Variants in XKR4 observed in about 807,000 individuals in gnomAD.
The protein encoded by XKR4 is XK-related protein 4.
Under a neutral mutation model 53.9 loss-of-function variants are expected in XKR4, and 12 were observed. The ratio of observed to expected loss-of-function variants is 0.22; its 90% CI spans 0.14 to 0.36. The LOEUF is 0.36. Among genes scored for constraint, XKR4 ranks in the 10% least tolerant of loss-of-function variants. The pLI is 1.00. For synonymous variants in XKR4, 354 were observed against 362.4 expected (o/e 0.98, Z 0.26); for missense variants, 799 against 859.5 (o/e 0.93, Z 0.88).
Position 55,353,255 on chromosome 8 carries a change from A to G in XKR4, c.807-4423A>G, listed in dbSNP as rs913321995. Among the ~76,000 whole-genome samples the G allele has an allele frequency of 5.3e-5, 8 of 152,220 alleles. No homozygotes were observed. The South Asian group carries it at 6.2e-4, about 12-fold the overall frequency. ...GACCTTATTTTGGAAATAGAATAAG[A>G]TCTTTGTCATGATCAAGTGAAGATG... On this transcript the variant is annotated intron_variant, in intron 1 of 2. Transcript: ENST00000327381.
intron 2 of XKR4, among the ~76,000 whole-genome samples, chr8:55,393,117 C>A (rs1585553120): frequency 6.6e-6 from 1 of 151,970 alleles, no homozygotes; most frequent in African/African-American, 2.4e-5. Flanking sequence ...ATGGATGAAG[C>A]CATTTGATGA....
At chr8:55,298,142 AATG>A (rs1299994650) in intron 1 of XKR4, among the ~76,000 whole-genome samples, 2 of 152,202 alleles carry the variant, frequency 1.3e-5, no homozygotes, top group Non-Finnish European at 2.9e-5. Flanking sequence ...TACCAAAAAT[AATG>A]ATGACAGAAT....
At chr8:55,214,287 T>C (rs1340614631) in intron 1 of XKR4, among the ~76,000 whole-genome samples, 1 of 152,234 alleles carries the variant, frequency 6.6e-6, no homozygotes, top group African/African-American at 2.4e-5. Flanking sequence ...ATAAAAATGC[T>C]AGATCGTAAA....
At chr8:55,253,731 C>CTTTTTTTTTTTT (rs67608017) in intron 1 of XKR4, among the ~76,000 whole-genome samples, 21 of 113,684 alleles carry the variant, frequency 1.8e-4, no homozygotes, top group Non-Finnish European at 3.2e-4. Context: ...ATTTTCTTTT[C>CTTTTTTTTTTTT]TTTTTTTTTT....
intron 1 of XKR4, among the ~76,000 whole-genome samples, chr8:55,299,375 A>G (rs1247633005): frequency 2.0e-5 from 3 of 152,158 alleles, no homozygotes; most frequent in Non-Finnish European, 4.4e-5. Context: ...TGTGGAATTG[A>G]AGGGCTGAGG....
intron 1 of XKR4, among the ~76,000 whole-genome samples, chr8:55,267,582 G>T (rs1272907465): frequency 6.6e-6 from 1 of 151,972 alleles, no homozygotes; most frequent in Admixed American, 6.6e-5. Flanking sequence ...ATTAAGTACA[G>T]CATAAGGAAG....
chr8:55,306,569 G>C (rs939286985), intron 1 of XKR4, among the ~76,000 whole-genome samples: 1 of 152,170 alleles, frequency 6.6e-6, no homozygotes, highest in Non-Finnish European at 1.5e-5. Flanking sequence ...AGGAAATAAA[G>C]AGCTTGTGCA....
In XKR4 at chr8:55,391,468, G is replaced by A. The variant is rs928447954; in HGVS notation, c.1006+33591G>A. On this transcript the variant is annotated intron_variant, in intron 2 of 2. Transcript: ENST00000327381. ...AGAGAAAGAAATCTGTGTTCCAATT[G>A]GAGCAATTTCTAGGATATATTGTTA... is the stretch of plus-strand genomic sequence containing the variant. Among the ~76,000 whole-genome samples the A allele has an allele frequency of 3.9e-5, 6 of 152,222 alleles. No homozygotes were observed. The East Asian group carries it at 1.2e-3, about 29-fold the overall frequency.
chr8:55,427,238 T>A (rs1404656149), intron 2 of XKR4, among the ~76,000 whole-genome samples: 1 of 152,230 alleles, frequency 6.6e-6, no homozygotes, highest in African/African-American at 2.4e-5. Context: ...TTTCTCAAAG[T>A]AAAAGTATAT....
intron 2 of XKR4, among the ~76,000 whole-genome samples, chr8:55,448,294 T>C (rs1805374776): frequency 6.6e-6 from 1 of 152,248 alleles, no homozygotes; most frequent in Admixed American, 6.5e-5. Context: ...CCTGGACTTC[T>C]AGCCAGAGAA....
intron 1 of XKR4, among the ~76,000 whole-genome samples, chr8:55,198,074 G>A (rs961078216): frequency 6.6e-6 from 1 of 152,190 alleles, no homozygotes; most frequent in African/African-American, 2.4e-5. Context: ...TGATGCTCTG[G>A]ATCTGTTCTT....
intron 2 of XKR4, among the ~76,000 whole-genome samples, chr8:55,458,627 G>A (rs1038264654): frequency 6.6e-6 from 1 of 152,176 alleles, no homozygotes; most frequent in Non-Finnish European, 1.5e-5. Context: ...CAGTGGGATG[G>A]GGAGCTGGAA....
chr8:55,303,672 A>G (rs1204195657), intron 1 of XKR4, among the ~76,000 whole-genome samples: 1 of 152,094 alleles, frequency 6.6e-6, no homozygotes, highest in African/African-American at 2.4e-5. Context: ...CCACAATTTC[A>G]GAGCCTGTTA....
intron 1 of XKR4, among the ~76,000 whole-genome samples, chr8:55,306,542 A>G (rs878957138): frequency 1.3e-5 from 2 of 152,204 alleles, no homozygotes; most frequent in East Asian, 1.9e-4. Context: ...AACAAGTCAC[A>G]TCACATGGAT....
At chr8:55,472,379 T>A (rs1242163482) in intron 2 of XKR4, among the ~76,000 whole-genome samples, 2 of 152,146 alleles carry the variant, frequency 1.3e-5, no homozygotes, top group Admixed American at 6.5e-5. Context: ...GCAAATTCAG[T>A]CAGATAGATG....
chr8:55,227,901 G>A (rs538510237), intron 1 of XKR4, among the ~76,000 whole-genome samples: 20 of 152,178 alleles, frequency 1.3e-4, no homozygotes, highest in African/African-American at 4.3e-4. Flanking sequence ...TATCATTACC[G>A]TTTTTTGTTT....
chr8:55,171,837 TC>T (rs1817163039), intron 1 of XKR4, among the ~76,000 whole-genome samples: 1 of 152,016 alleles, frequency 6.6e-6, no homozygotes, highest in Admixed American at 6.6e-5. Context: ...GCCTCCCGAG[TC>T]CAGATCCCCA....
At chr8:55,423,860 T>A (rs1490829593) in intron 2 of XKR4, among the ~76,000 whole-genome samples, 1 of 152,240 alleles carries the variant, frequency 6.6e-6, no homozygotes, top group Non-Finnish European at 1.5e-5. Flanking sequence ...TCACAGGTTC[T>A]GTCTCATGAG....
At chr8:55,341,313 G>A (rs555201094) in intron 1 of XKR4, among the ~76,000 whole-genome samples, 22 of 152,168 alleles carry the variant, frequency 1.4e-4, no homozygotes, top group Non-Finnish European at 2.5e-4. Context: ...CAGGTGGGCA[G>A]CAGGGGTATT....
Sources: gnomAD v4.1 joint callset for allele counts (sites outside exome capture counted in the v4.1 genomes callset) on GRCh38, gnomAD v4.1.1 for gene constraint, MANE v1.5 for transcripts, NCBI Gene and HGNC (gene_info 2026-07-23, HGNC 2026-07-21) for gene names.